SNTB2: variants seen among roughly 807,000 people sequenced by gnomAD.
SNTB2 encodes the protein syntrophin beta 2, also known as beta-2-syntrophin.
A neutral mutation model predicts 46.2 loss-of-function variants in SNTB2; 34 were observed. That is an observed-to-expected ratio of 0.74 (90% confidence interval 0.56 to 0.98). The LOEUF (loss-of-function observed/expected upper bound fraction) is 0.98, where lower values mean the gene tolerates loss of function less well. Ranked by LOEUF, SNTB2 falls within the 50% of genes least tolerant of loss-of-function variation. SNTB2 has a pLI of 0.00. For synonymous variants in SNTB2, 290 were observed against 312.6 expected (o/e 0.93, Z 0.76); for missense variants, 603 against 731.4 (o/e 0.82, Z 2.02).
In SNTB2 at chr16:69,234,702, A is replaced by T. The variant is rs74248500; in HGVS notation, c.581-10900A>T. Among the ~76,000 whole-genome samples, 683 of 136,416 alleles carry T rather than the reference A, an allele frequency of 5.0e-3. 31 individuals carry two copies. In the South Asian group the frequency reaches 0.098, roughly 20 times the overall value. The allele number at this position is 136,416 out of a possible 152,430, so 89.5% of individuals were successfully genotyped here. Reference sequence around the variant, plus strand: ...GACATTATGTGTTATACAACTTGGTATTTTTTTTTTTTTTTTTCGAGACCA... The same window carrying T: ...GACATTATGTGTTATACAACTTGGTTTTTTTTTTTTTTTTTTTCGAGACCA... On this transcript the variant is annotated intron_variant, in intron 1 of 6. Transcript: ENST00000336278.
At chr16:69,269,606 T>A (rs1018251088) in intron 3 of SNTB2, among the ~76,000 whole-genome samples, 1 of 152,214 alleles carries the variant, frequency 6.6e-6, no homozygotes, top group African/African-American at 2.4e-5. Context: ...TATCTATGTA[T>A]GTATATATTG....
chr16:69,220,213 G>C (rs1964388445), intron 1 of SNTB2, among the ~76,000 whole-genome samples: 1 of 137,112 alleles, frequency 7.3e-6, no homozygotes, highest in Non-Finnish European at 1.5e-5. Flanking sequence ...CCAGGCTGGA[G>C]TGCAGTGGCA....
Position 69,290,004 on chromosome 16 carries a change from C to T in SNTB2, c.1345+5760C>T, listed in dbSNP as rs139148667. Among the ~76,000 whole-genome samples, 137 of 152,322 alleles carry T rather than the reference C, an allele frequency of 9.0e-4. 2 individuals are homozygous for T. The highest frequency in any genetic ancestry group is 3.4e-3 in the Middle Eastern group (1 of 294). ...CAAAAAGAAATCAGTTAAGCTGTTCCTTGTCTCTATGTTTTGGTTATAGTT... is the reference window on the plus strand; with the variant it reads ...CAAAAAGAAATCAGTTAAGCTGTTCTTTGTCTCTATGTTTTGGTTATAGTT... On this transcript the variant is annotated intron_variant, in intron 5 of 6. Transcript: ENST00000336278.
chr16:69,281,746 G>A (rs1965049626), intron 4 of SNTB2, among the ~76,000 whole-genome samples: 1 of 140,606 alleles, frequency 7.1e-6, no homozygotes, highest in South Asian at 2.3e-4. Context: ...GGGAGACTAA[G>A]ACAGGAGAAT....
intron 4 of SNTB2, among the ~76,000 whole-genome samples, chr16:69,272,888 T>C (rs1597195180): frequency 1.7e-5 from 1 of 58,930 alleles, no homozygotes; most frequent in South Asian, 4.7e-4. Flanking sequence ...AGACTCTGTC[T>C]CAAAAAAAAA....
chr16:69,286,509 C>A (rs1443931705), intron 5 of SNTB2, among the ~76,000 whole-genome samples: 2 of 151,894 alleles, frequency 1.3e-5, no homozygotes, highest in Non-Finnish European at 2.9e-5. Flanking sequence ...AGTGGTGAAA[C>A]CTCATCTCTA....
intron 2 of SNTB2, among the ~76,000 whole-genome samples, chr16:69,257,503 G>A (rs182125854): frequency 9.9e-5 from 15 of 151,880 alleles, no homozygotes; most frequent in Admixed American, 8.5e-4. Flanking sequence ...CTGGAGTGCA[G>A]TGGCATGATC....
chr16:69,279,543 T>G (rs1312443494), intron 4 of SNTB2, among the ~76,000 whole-genome samples: 2 of 137,098 alleles, frequency 1.5e-5, no homozygotes, highest in African/African-American at 5.6e-5. Context: ...TTTTTTTTTT[T>G]GAGACGGAAT....
intron 1 of SNTB2, among the ~76,000 whole-genome samples, chr16:69,211,666 G>A (rs898179808): frequency 6.6e-6 from 1 of 152,130 alleles, no homozygotes; most frequent in African/African-American, 2.4e-5. Context: ...GGCCAAATTT[G>A]GGATAACCTG....
intron 1 of SNTB2, among the ~76,000 whole-genome samples, chr16:69,220,582 C>T (rs551645719): frequency 2.0e-4 from 31 of 151,782 alleles, no homozygotes; most frequent in African/African-American, 5.3e-4. Flanking sequence ...AGCTGGAGTG[C>T]GGTGGCACAA....
Position 69,305,861 on chromosome 16 carries a change from T to A in SNTB2, c.*4937T>A, listed in dbSNP as rs913150932. On this transcript the variant is annotated 3_prime_UTR_variant, in exon 7 of 7. Coordinates refer to ENST00000336278, the MANE Select transcript of SNTB2 (RefSeq NM_006750.4). ...CTAATTGCTTGGTAATCTAAAATTA[T>A]TCTGACTTTCCACATACTGTCTTTA... 1 of 152,076 alleles carries A rather than the reference T, an allele frequency of 6.6e-6. No homozygotes were observed. The highest frequency in any genetic ancestry group is 2.4e-5 in the African/African-American group (1 of 41,412). 9.4% of individuals were successfully genotyped at this position (152,076 alleles called of 1,614,324 possible). A position where few individuals can be genotyped will look rare whatever the true frequency, so the allele number is the denominator to read the frequency against.
rs1032986410 is a variant in SNTB2, at chr16:69,232,502, C to CTTTTTTTTTTTTTTTTTTTT, written c.581-13092_581-13073dup. On this transcript the variant is annotated intron_variant, in intron 1 of 6. Coordinates refer to ENST00000336278, the MANE Select transcript of SNTB2 (RefSeq NM_006750.4). Reference sequence around the variant, plus strand: ...TTACAGGTGTGAGCCACGGTGCGGCCTTTTTTTTTTTTTTTTTTTTTTTTT... The same window carrying CTTTTTTTTTTTTTTTTTTTT: ...TTACAGGTGTGAGCCACGGTGCGGCCTTTTTTTTTTTTTTTTTTTTTTTTTTTTTTTTTTTTTTTTTTTTT... 6.3e-5 allele frequency among the ~76,000 whole-genome samples: 4 copies of CTTTTTTTTTTTTTTTTTTTT among 63,860 alleles called. 1 individual carries two copies. Among genetic ancestry groups the CTTTTTTTTTTTTTTTTTTTT allele is most frequent in the Non-Finnish European group, 3.0e-5 (1 of 33,458 alleles). The allele number at this position is 63,860 out of a possible 152,430, so 41.9% of individuals were successfully genotyped here.
Position 69,260,258 on chromosome 16 carries a change from C to G in SNTB2, c.1003C>G (p.Gln335Glu), listed in dbSNP as rs771544005. The change falls in exon 3 of 7, where the codon CAG (glutamine) becomes GAG (glutamate). Residue 335 changes from glutamine (Q) to glutamate (E), a missense_variant and splice_region_variant. Gln to Glu is a conservative substitution (Grantham distance 29). Around this residue, in one of 2 missense-constraint regions of SNTB2, gnomAD observed 537 missense variants for 692.4 expected, o/e 0.78. Coordinates refer to ENST00000336278, the MANE Select transcript of SNTB2 (RefSeq NM_006750.4). ...GAAGCATATTGCCTGGCTGGCAGAA[C>G]AGGTAGGCTGGGAGGCAGGGCAGAG... ...EVKHIAWLAEQAKLDGGRQQW... is the reference protein window; with the variant it reads ...EVKHIAWLAEEAKLDGGRQQW... 24 of 1,613,904 alleles carry G rather than the reference C, an allele frequency of 1.5e-5. No homozygotes were observed. Among genetic ancestry groups the G allele is most frequent in the Non-Finnish European group, 2.0e-5 (24 of 1,179,980 alleles).
chr16:69,263,488 G>T (rs979314933), intron 3 of SNTB2, among the ~76,000 whole-genome samples: 1 of 149,344 alleles, frequency 6.7e-6, no homozygotes, highest in African/African-American at 2.5e-5. Context: ...ATACAATCTT[G>T]GCTCACTACT....
At chr16:69,251,079 C>T (rs1465885939) in intron 2 of SNTB2, among the ~76,000 whole-genome samples, 1 of 147,946 alleles carries the variant, frequency 6.8e-6, no homozygotes, top group Admixed American at 6.7e-5. Flanking sequence ...CCCGGGTTCA[C>T]GCCATTCTCC....
Position 69,300,835 on chromosome 16 carries a change from A to G in SNTB2, c.1534A>G (p.Met512Val), listed in dbSNP as rs563103953. The G allele has an allele frequency of 6.2e-6, 10 of 1,611,684 alleles. No homozygotes were observed. Among genetic ancestry groups the G allele is most frequent in the Admixed American group, 5.0e-5 (3 of 59,990 alleles). The part of the protein sequence containing the change: ...DFGGPEGELT[M>V]DLHSCPKPIV... ...GCTTAGTGTCCTTTCTCCACAGACC[A>G]TGGACCTGCACTCTTGTCCGAAGCC... The change falls in exon 7 of 7, where the codon ATG becomes GTG. Residue 512 changes from methionine to valine, a missense_variant. Transcript: ENST00000336278.
At chr16:69,259,580 C>T (rs1455070404) in intron 2 of SNTB2, among the ~76,000 whole-genome samples, 1 of 143,156 alleles carries the variant, frequency 7.0e-6, no homozygotes, top group South Asian at 2.2e-4. Flanking sequence ...GAACTGGACT[C>T]TAGGGAATTA....
rs766412204 is a variant in SNTB2 at position 69,187,244 on chromosome 16, G to C, written c.78G>C (p.Gly26=). The C allele has an allele frequency of 7.6e-5, 112 of 1,475,048 alleles. No homozygotes were observed. The highest frequency in any genetic ancestry group is 9.0e-7 in the Non-Finnish European group (1 of 1,116,210). 91.4% of individuals were successfully genotyped at this position (1,475,048 alleles called of 1,614,324 possible). A position where few individuals can be genotyped will look rare whatever the true frequency, so the allele number is the denominator to read the frequency against. ...TGTGGACGCGGGCCACCAAAGCGGGGCTGGTGGAGCTGCTCCTGAGGGAGC... is the reference window on the plus strand; with the variant it reads ...TGTGGACGCGGGCCACCAAAGCGGGCCTGGTGGAGCTGCTCCTGAGGGAGC... The part of the protein sequence containing the change: ...MAVWTRATKA[G]LVELLLRERW... Residue 26 remains glycine, a synonymous_variant, in exon 1 of 7, where the codon GGG becomes GGC. Coordinates refer to ENST00000336278, the MANE Select transcript of SNTB2 (RefSeq NM_006750.4).
At chr16:69,258,351 A>G (rs1017606542) in intron 2 of SNTB2, among the ~76,000 whole-genome samples, 1 of 152,132 alleles carries the variant, frequency 6.6e-6, no homozygotes, top group Non-Finnish European at 1.5e-5. Context: ...CTTTGATTGA[A>G]ACACAAAACA....
Sources: gnomAD v4.1 joint callset for allele counts (sites outside exome capture counted in the v4.1 genomes callset) on GRCh38, gnomAD v4.1.1 for gene constraint, gnomAD v4.1.1 regional missense constraint, MANE v1.5 for transcripts, NCBI Gene and HGNC (gene_info 2026-07-23, HGNC 2026-07-21) for gene names.